Variants in COLEC10 observed in about 807,000 individuals in gnomAD.
COLEC10 encodes collectin-10.
In COLEC10, 22 loss-of-function variants were observed where a neutral mutation model predicts 28.4. The observed-to-expected ratio is 0.78, with a 90% CI of 0.55 to 1.11. COLEC10 has a LOEUF of 1.11. Ranked by LOEUF, COLEC10 falls within the 50% of genes least tolerant of loss-of-function variation. COLEC10 has a pLI of 0.00. For synonymous variants in COLEC10, 125 were observed against 116.1 expected (o/e 1.08, Z -0.49); for missense variants, 361 against 344.1 (o/e 1.05, Z -0.39).
At chr8:119,037,016 C>T (rs1814401189) in intron 2 of COLEC10, among the ~76,000 whole-genome samples, 1 of 152,032 alleles carries the variant, frequency 6.6e-6, no homozygotes, top group East Asian at 1.9e-4. Context: ...TGATGAGTTT[C>T]GTATTGGTCA....
At chr8:119,105,142 C>T (rs1815911721) in intron 5 of COLEC10, among the ~76,000 whole-genome samples, 1 of 152,128 alleles carries the variant, frequency 6.6e-6, no homozygotes, top group South Asian at 2.1e-4. Context: ...TAAGCATTTA[C>T]CATTCCCATA....
intron 2 of COLEC10, among the ~76,000 whole-genome samples, chr8:119,035,919 G>T (rs564214349): frequency 6.6e-6 from 1 of 152,124 alleles, no homozygotes; most frequent in African/African-American, 2.4e-5. Context: ...GCTGTTTAAG[G>T]TACCAGTGTT....
the COLEC10 span, among the ~76,000 whole-genome samples, chr8:118,953,311 G>A: frequency 6.6e-6 from 1 of 152,236 alleles, no homozygotes; most frequent in African/African-American, 2.4e-5. Flanking sequence ...CTTGTATTTT[G>A]AATCGTAGTT....
intron 1 of COLEC10, among the ~76,000 whole-genome samples, chr8:119,087,679 C>T (rs60049650): frequency 6.6e-6 from 1 of 151,962 alleles, no homozygotes; most frequent in Non-Finnish European, 1.5e-5. Context: ...CTGCAACCCC[C>T]CTTTTTGCCC....
chr8:119,037,749 A>G (rs1299135234), intron 2 of COLEC10, among the ~76,000 whole-genome samples: 1 of 152,230 alleles, frequency 6.6e-6, no homozygotes, highest in Non-Finnish European at 1.5e-5. Flanking sequence ...GCACCTGTGC[A>G]TCCTATGCAC....
At chr8:119,073,813 T>G (rs1815170032) in intron 1 of COLEC10, among the ~76,000 whole-genome samples, 1 of 152,004 alleles carries the variant, frequency 6.6e-6, no homozygotes, top group Non-Finnish European at 1.5e-5. Flanking sequence ...ACATAATAAT[T>G]TGGATATGTA....
At chr8:119,094,548 G>A (rs1241723134) in intron 3 of COLEC10, among the ~76,000 whole-genome samples, 1 of 152,106 alleles carries the variant, frequency 6.6e-6, no homozygotes, top group East Asian at 1.9e-4. Context: ...GAACTTTAGG[G>A]GCCATGATCT....
chr8:119,006,287 C>T (rs1813795075), intron 1 of COLEC10, among the ~76,000 whole-genome samples: 1 of 152,068 alleles, frequency 6.6e-6, no homozygotes, highest in South Asian at 2.1e-4. Context: ...TTATGAGACA[C>T]ATATCATAAA....
intron 2 of COLEC10, among the ~76,000 whole-genome samples, chr8:119,025,499 A>G (rs961258875): frequency 2.0e-5 from 3 of 152,140 alleles, no homozygotes; most frequent in African/African-American, 7.2e-5. Flanking sequence ...CTTACCTGAA[A>G]CAGTTCCTGG....
intron 1 of COLEC10, among the ~76,000 whole-genome samples, chr8:119,001,146 A>G (rs1451100454): frequency 6.6e-6 from 1 of 152,146 alleles, no homozygotes; most frequent in Non-Finnish European, 1.5e-5. Flanking sequence ...TTAGGTGATG[A>G]TATTGAGGAT....
At chr8:119,052,820 A>C (rs745688167) in intron 2 of COLEC10, among the ~76,000 whole-genome samples, 7 of 152,140 alleles carry the variant, frequency 4.6e-5, no homozygotes, top group Non-Finnish European at 7.4e-5. Flanking sequence ...CTTATTAACA[A>C]ATTTAGTTGA....
the COLEC10 span, among the ~76,000 whole-genome samples, chr8:118,973,941 G>C: frequency 1.3e-5 from 2 of 151,940 alleles, no homozygotes; most frequent in Non-Finnish European, 2.9e-5. Flanking sequence ...TGGTCTGGAA[G>C]TACTGACTTT....
At chr8:118,972,217 C>T in the COLEC10 span, among the ~76,000 whole-genome samples, 12 of 151,944 alleles carry the variant, frequency 7.9e-5, no homozygotes, top group Admixed American at 6.6e-4. Context: ...TTCATTTATT[C>T]GTGTAACTTC....
At chr8:119,002,155 G>A (rs1470274716) in intron 1 of COLEC10, among the ~76,000 whole-genome samples, 1 of 151,996 alleles carries the variant, frequency 6.6e-6, no homozygotes, top group Non-Finnish European at 1.5e-5. Flanking sequence ...GTATATGTGT[G>A]TATATAATTT....
the COLEC10 span, among the ~76,000 whole-genome samples, chr8:118,970,329 A>G: frequency 6.6e-6 from 1 of 152,048 alleles, no homozygotes; most frequent in Non-Finnish European, 1.5e-5. Context: ...CAATGACTCC[A>G]CAAATAGGCT....
chr8:118,972,183 G>A, the COLEC10 span, among the ~76,000 whole-genome samples: 1 of 151,982 alleles, frequency 6.6e-6, no homozygotes, highest in Non-Finnish European at 1.5e-5. Context: ...TGTTGGGCTT[G>A]TAACCAAATT....
chr8:119,050,226 A>T (rs1019664384), intron 2 of COLEC10, among the ~76,000 whole-genome samples: 3 of 152,208 alleles, frequency 2.0e-5, no homozygotes, highest in Non-Finnish European at 4.4e-5. Context: ...GGCTCTTGTA[A>T]TTTATAACTT....
the COLEC10 span, among the ~76,000 whole-genome samples, chr8:118,984,611 G>A: frequency 6.6e-6 from 1 of 152,132 alleles, no homozygotes; most frequent in Non-Finnish European, 1.5e-5. Flanking sequence ...TGGACACAGA[G>A]TCACAGAGGG....
intron 2 of COLEC10, among the ~76,000 whole-genome samples, chr8:119,028,198 A>T (rs1215349033): frequency 2.0e-5 from 3 of 151,424 alleles, no homozygotes; most frequent in Non-Finnish European, 4.4e-5. Context: ...TGTGTCTGGC[A>T]TATTAAATGA....
Sources: allele counts gnomAD v4.1 joint callset (sites outside exome capture counted in the v4.1 genomes callset), GRCh38; gene constraint gnomAD v4.1.1; transcripts MANE v1.5; gene names NCBI Gene and HGNC (gene_info 2026-07-23, HGNC 2026-07-21).